Variants in LPXN observed in about 807,000 individuals in gnomAD.
LPXN encodes leupaxin.
Under a neutral mutation model 45.6 loss-of-function variants are expected in LPXN, and 28 were observed. The observed-to-expected ratio is 0.61, with a 90% CI of 0.45 to 0.84. The LOEUF (loss-of-function observed/expected upper bound fraction) is 0.84, where lower values mean the gene tolerates loss of function less well. Among genes scored for constraint, LPXN ranks in the 40% least tolerant of loss-of-function variants. LPXN has a pLI of 0.00. For missense variants in LPXN, 459 were observed against 475.0 expected (o/e 0.97, Z 0.31); for synonymous variants, 166 against 169.9 (o/e 0.98, Z 0.18).
chr11:58,568,248 T>C (rs1854581141), intron 2 of LPXN, among the ~76,000 whole-genome samples: 1 of 152,232 alleles, frequency 6.6e-6, no homozygotes, highest in Non-Finnish European at 1.5e-5. Flanking sequence ...AGGTTTCATC[T>C]GAACAGAATC....
intron 7 of LPXN, among the ~76,000 whole-genome samples, chr11:58,538,313 G>C (rs1370367062): frequency 3.3e-5 from 5 of 152,128 alleles, no homozygotes; most frequent in Admixed American, 1.3e-4. Flanking sequence ...GGGCCAAATG[G>C]TATTTCTAGT....
At chr11:58,533,546 G>A (rs1252502896) in intron 7 of LPXN, among the ~76,000 whole-genome samples, 5 of 152,122 alleles carry the variant, frequency 3.3e-5, no homozygotes, top group Non-Finnish European at 5.9e-5. Context: ...AGGAATAACT[G>A]GTACCAGTCA....
chr11:58,542,838 C>T (rs1398093246), intron 7 of LPXN, among the ~76,000 whole-genome samples: 2 of 152,022 alleles, frequency 1.3e-5, no homozygotes, highest in East Asian at 1.9e-4. Context: ...TGTAGAAAAA[C>T]ATTGGTAGGA....
At chr11:58,529,730 T>C (rs1853330573) in intron 7 of LPXN, among the ~76,000 whole-genome samples, 1 of 152,000 alleles carries the variant, frequency 6.6e-6, no homozygotes, top group Non-Finnish European at 1.5e-5. Flanking sequence ...AATAAATAAT[T>C]TGGAGATTGC....
In LPXN at chr11:58,564,140, T is replaced by A; in HGVS notation, c.218+15A>T. ...AACTTTAATTTTTAAAAGCATTTAA[T>A]AGAAAAAAAAATACCTGTAGACATT... On this transcript the variant is annotated intron_variant, in intron 3 of 8. Coordinates refer to ENST00000395074, the MANE Select transcript of LPXN (RefSeq NM_004811.3). 1 of 1,529,794 alleles carries A rather than the reference T, an allele frequency of 6.5e-7. No individual in the cohort carries two copies. The highest frequency in any genetic ancestry group is 2.3e-5 in the East Asian group (1 of 44,396). 94.8% of individuals were successfully genotyped at this position (1,529,794 alleles called of 1,614,324 possible).
intron 7 of LPXN, among the ~76,000 whole-genome samples, chr11:58,535,665 G>A (rs3133440): frequency 0.52 from 78,294 of 152,002 alleles, 21,008 homozygotes; most frequent in East Asian, 0.67. Context: ...GGAAGTTCTC[G>A]CTAGGGCAAT....
At chr11:58,577,091 CCA>C (rs1208438074), upstream of LPXN, among the ~76,000 whole-genome samples, 4 of 152,108 alleles carry the variant, frequency 2.6e-5, no homozygotes, top group African/African-American at 9.7e-5. Context: ...CACATCCAGC[CCA>C]CAGTGGCTTT....
At chr11:58,532,469 G>A (rs1853420976) in intron 7 of LPXN, among the ~76,000 whole-genome samples, 1 of 152,236 alleles carries the variant, frequency 6.6e-6, no homozygotes, top group Non-Finnish European at 1.5e-5. Context: ...GCACCAATCA[G>A]CACTCTGTGT....
intron 1 of LPXN, among the ~76,000 whole-genome samples, chr11:58,571,771 A>C (rs962367178): frequency 1.6e-4 from 24 of 151,992 alleles, no homozygotes; most frequent in African/African-American, 5.8e-4. Flanking sequence ...TCAGGAGTTT[A>C]CACATTTCAT....
Position 58,550,036 on chromosome 11 carries a change from G to A in LPXN, c.597C>T (p.Cys199=). 1 of 1,614,216 alleles carries A rather than the reference G, an allele frequency of 6.2e-7. No individual in the cohort carries two copies. Among genetic ancestry groups the A allele is most frequent in the African/African-American group, 1.3e-5 (1 of 75,054 alleles). Residue 199 remains cysteine (C), a synonymous_variant, in exon 6 of 9, where the codon TGC becomes TGT. Transcript: ENST00000395074. ...AAAAAAGTTGGTGGTAGTCGTTGGGGCAGTAGGCCAAGCCACTCCGCTCAA... is the reference window on the plus strand; with the variant it reads ...AAAAAAGTTGGTGGTAGTCGTTGGGACAGTAGGCCAAGCCACTCCGCTCAA... ...PFFERSGLAY[C]PNDYHQLFSP... is the part of the protein sequence containing the mutation.
intron 7 of LPXN, among the ~76,000 whole-genome samples, chr11:58,531,835 A>G (rs1853397210): frequency 6.6e-6 from 1 of 152,236 alleles, no homozygotes; most frequent in African/African-American, 2.4e-5. Flanking sequence ...TGGCCTCGGC[A>G]TCCACTCTGG....
At chr11:58,576,395 G>A (rs988541890), upstream of LPXN, among the ~76,000 whole-genome samples, 2 of 152,138 alleles carry the variant, frequency 1.3e-5, no homozygotes, top group African/African-American at 4.8e-5. Flanking sequence ...GGTCCCAAAA[G>A]CAAACATCTA....
At chr11:58,535,136 T>C (rs1335910883) in intron 7 of LPXN, among the ~76,000 whole-genome samples, 3 of 151,914 alleles carry the variant, frequency 2.0e-5, no homozygotes, top group Non-Finnish European at 2.9e-5. Context: ...TTCCAAACAA[T>C]AGAAAAAGGG....
At chr11:58,571,444 C>T (rs1029341109) in intron 1 of LPXN, among the ~76,000 whole-genome samples, 4 of 151,796 alleles carry the variant, frequency 2.6e-5, no homozygotes, top group Admixed American at 1.3e-4. Context: ...TCAAAACATA[C>T]GAGGGAAATA....
rs1565208958 is a variant in LPXN at position 58,575,808 on chromosome 11, G to GT, written c.-37dup. The GT allele has an allele frequency of 1.9e-6, 3 of 1,614,148 alleles. No individual in the cohort carries two copies. The highest frequency in any genetic ancestry group is 2.5e-6 in the Non-Finnish European group (3 of 1,180,014). Reference sequence around the variant, plus strand: ...CCAAGATGCTCTTGTCTCACAGGCCGTGAGGAACAGCTTTGGCATGTGCTG... The same window carrying GT: ...CCAAGATGCTCTTGTCTCACAGGCCGTTGAGGAACAGCTTTGGCATGTGCTG... On this transcript the variant is annotated 5_prime_UTR_variant, in exon 1 of 9. It introduces an in-frame stop codon into an upstream open reading frame of the 5' UTR. Coordinates refer to ENST00000395074, the MANE Select transcript of LPXN (RefSeq NM_004811.3).
chr11:58,548,509 G>GA (rs1229708578), intron 7 of LPXN, among the ~76,000 whole-genome samples: 5 of 151,010 alleles, frequency 3.3e-5, no homozygotes, highest in Non-Finnish European at 7.4e-5. Flanking sequence ...ATTTTGAAAA[G>GA]AATTTCACAG....
At chr11:58,571,347 AAAT>A (rs1241746423) in intron 1 of LPXN, among the ~76,000 whole-genome samples, 4 of 23,872 alleles carry the variant, frequency 1.7e-4, no homozygotes, top group Non-Finnish European at 3.3e-4. Flanking sequence ...CTCAAAAAAT[AAAT>A]AAATAAATAA....
intron 2 of LPXN, among the ~76,000 whole-genome samples, chr11:58,565,835 A>G (rs1000497762): frequency 1.3e-5 from 2 of 151,988 alleles, no homozygotes; most frequent in Non-Finnish European, 2.9e-5. Context: ...GTCTCTACTA[A>G]AAATACAAAA....
intron 7 of LPXN, among the ~76,000 whole-genome samples, chr11:58,532,815 T>G (rs1390841828): frequency 6.6e-6 from 1 of 152,296 alleles, no homozygotes; most frequent in Middle Eastern, 3.4e-3. Context: ...CCCACTTGGG[T>G]CCCCTTCCAC....
Sources: gnomAD v4.1 joint callset for allele counts (sites outside exome capture counted in the v4.1 genomes callset) on GRCh38, gnomAD v4.1.1 for gene constraint, MANE v1.5 for transcripts, NCBI Gene and HGNC (gene_info 2026-07-23, HGNC 2026-07-21) for gene names.